The following EP300 variants were observed in gnomAD, a reference collection of about 807,000 sequenced individuals.
EP300 encodes the protein EP300 lysine acetyltransferase.
EP300 carries 31 observed loss-of-function variants against 264.0 expected under a neutral mutation model. The ratio of observed to expected loss-of-function variants is 0.12; its 90% CI spans 0.09 to 0.16. The LOEUF (loss-of-function observed/expected upper bound fraction) is 0.16, where lower values mean the gene tolerates loss of function less well. Among genes scored for constraint, EP300 ranks in the 10% least tolerant of loss-of-function variants. EP300 has a pLI of 1.00. For missense variants in EP300, 2,766 were observed against 3,052.9 expected, an observed-to-expected ratio of 0.91 and a Z score of 2.21; for synonymous variants, 1,340 against 1,045.4, an observed-to-expected ratio of 1.28 and a Z score of -5.44.
intron 3 of EP300, among the ~76,000 whole-genome samples, chr22:41,127,033 C>T (rs561031275): frequency 6.6e-5 from 10 of 152,042 alleles, no homozygotes; most frequent in African/African-American, 1.2e-4. Context: ...CGTGAGCCAC[C>T]GCGCCCGGCC....
At position 41,092,878 on chromosome 22, in the gene EP300, C is replaced by G. The variant is rs2145665054; in HGVS notation, c.-127C>G. ...CCGGCGAAGAGAAAAAGGAACTTCCCCCACCCCCTCGGGTGCCGTCGGAGC... is the reference window on the plus strand; with the variant it reads ...CCGGCGAAGAGAAAAAGGAACTTCCGCCACCCCCTCGGGTGCCGTCGGAGC... On this transcript the variant is annotated 5_prime_UTR_variant, in exon 1 of 31. Coordinates refer to ENST00000263253, the MANE Select transcript of EP300 (RefSeq NM_001429.4). 1 of 996,468 alleles carries G rather than the reference C, an allele frequency of 1.0e-6. No individual in the cohort carries two copies. Among genetic ancestry groups the G allele is most frequent in the South Asian group, 1.3e-5 (1 of 78,410 alleles). 61.7% of individuals were successfully genotyped at this position (996,468 alleles called of 1,614,324 possible).
Position 41,170,742 on chromosome 22 carries a change from A to G in EP300, c.4452+171A>G, listed in dbSNP as rs535792755. On this transcript the variant is annotated intron_variant, in intron 27 of 30. Transcript: ENST00000263253. Reference sequence around the variant, plus strand: ...AGTGACACGATTTTGGCTCACTTCAAGCTCCGCCTCCTGGGTTCATGCCAT... The same window carrying G: ...AGTGACACGATTTTGGCTCACTTCAGGCTCCGCCTCCTGGGTTCATGCCAT... 3.5e-5 allele frequency among the ~76,000 whole-genome samples: 5 copies of G among 143,598 alleles called. No homozygotes were observed. In the Admixed American group the frequency reaches 3.7e-4, roughly 11 times the overall value. The allele number at this position is 143,598 out of a possible 152,430, so 94.2% of individuals were successfully genotyped here.
intron 1 of EP300, among the ~76,000 whole-genome samples, chr22:41,094,138 T>C (rs1168108446): frequency 2.0e-5 from 3 of 152,236 alleles, no homozygotes; most frequent in Non-Finnish European, 4.4e-5. Context: ...AATGGTGTTA[T>C]CCTGATGGGT....
intron 1 of EP300, among the ~76,000 whole-genome samples, chr22:41,093,862 G>A (rs1280941452): frequency 6.6e-6 from 1 of 152,158 alleles, no homozygotes; most frequent in African/African-American, 2.4e-5. Context: ...GTGGAGTTAC[G>A]TACCTGGAAA....
Position 41,176,294 on chromosome 22 carries a change from G to C in EP300, c.4827G>C (p.Leu1609=), listed in dbSNP as rs1219687512. ...RLIAGPAANS[L]PPIVDPDPLI... ...TTGCTGGCCCTGCTGCCAACTCCCTGCCTCCCATTGTTGATCCTGATCCTC... is the reference window on the plus strand; with the variant it reads ...TTGCTGGCCCTGCTGCCAACTCCCTCCCTCCCATTGTTGATCCTGATCCTC... Residue 1609 remains leucine, a synonymous_variant, in exon 30 of 31, where the codon CTG becomes CTC. Coordinates refer to ENST00000263253, the MANE Select transcript of EP300 (RefSeq NM_001429.4). 1 of 1,614,152 alleles carries C rather than the reference G, an allele frequency of 6.2e-7. No individual in the cohort carries two copies.
rs1486351196 is a variant in EP300 at position 41,178,240 on chromosome 22, T to G, written c.6529T>G (p.Ser2177Ala). The change falls in exon 31 of 31, where the codon TCA becomes GCA. Residue 2177 changes from serine (S) to alanine (A), a missense_variant. Ser to Ala is a moderately conservative substitution (Grantham distance 99). Coordinates refer to ENST00000263253, the MANE Select transcript of EP300 (RefSeq NM_001429.4). ...GAACATGAACCACAACACCATGCCT[T>G]CACAATTCCGAGACATCTTGAGACG... ...QMNMNHNTMP[S>A]QFRDILRRQQ... 6.2e-7 allele frequency: 1 copy of G among 1,613,770 alleles called. No individual in the cohort carries two copies. The highest frequency in any genetic ancestry group is 8.5e-7 in the Non-Finnish European group (1 of 1,179,918).
chr22:41,173,366 A>G (rs979195854), intron 28 of EP300, among the ~76,000 whole-genome samples: 6 of 152,168 alleles, frequency 3.9e-5, no homozygotes, highest in Admixed American at 1.3e-4. Context: ...CATTCAATCA[A>G]TCTACAGGGT....
chr22:41,136,525 G>A (rs2058951840), intron 7 of EP300, among the ~76,000 whole-genome samples: 1 of 152,112 alleles, frequency 6.6e-6, no homozygotes, highest in African/African-American at 2.4e-5. Context: ...ACGGGGCATG[G>A]TGGCGTGCAC....
At position 41,176,285 on chromosome 22, in the gene EP300, C is replaced by T. The variant is rs2059199972; in HGVS notation, c.4818C>T (p.Ala1606=). Residue 1606 remains alanine (A), a synonymous_variant, in exon 30 of 31, where the codon GCC becomes GCT. Coordinates refer to ENST00000263253, the MANE Select transcript of EP300 (RefSeq NM_001429.4). The part of the protein sequence containing the change: ...FVIRLIAGPA[A]NSLPPIVDPD... ...TCCGCCTCATTGCTGGCCCTGCTGC[C>T]AACTCCCTGCCTCCCATTGTTGATC... 2 of 1,614,204 alleles carry T rather than the reference C, an allele frequency of 1.2e-6. No homozygotes were observed. The highest frequency in any genetic ancestry group is 1.7e-6 in the Non-Finnish European group (2 of 1,180,040).
At chr22:41,158,315 T>G (rs1403962076) in intron 18 of EP300, 97 bp from the exon 19 acceptor site, 4 of 895,708 alleles carry the variant, frequency 4.5e-6, no homozygotes, top group Non-Finnish European at 7.3e-6. Context: ...AAATGAGAAC[T>G]AAGACACCAC....
intron 7 of EP300, among the ~76,000 whole-genome samples, chr22:41,136,475 T>A (rs114028794): frequency 6.6e-6 from 1 of 152,104 alleles, no homozygotes; most frequent in Admixed American, 6.5e-5. Flanking sequence ...CTGGGCAATA[T>A]GTCAAGACGT....
At chr22:41,157,554 T>C (rs898185133) in intron 18 of EP300, 146 bp downstream of exon 18, 6 of 1,019,256 alleles carry the variant, frequency 5.9e-6, no homozygotes, top group South Asian at 1.5e-5. Context: ...CAGGGTCTTA[T>C]TCTCCCAGGC....
At chr22:41,165,059 T>C (rs1164007178) in intron 22 of EP300, among the ~76,000 whole-genome samples, 1 of 152,212 alleles carries the variant, frequency 6.6e-6, no homozygotes, top group Non-Finnish European at 1.5e-5. Context: ...CACTTTTCTT[T>C]TTTTCACCGT....
chr22:41,119,176 T>TA (rs1555906144), intron 2 of EP300, among the ~76,000 whole-genome samples: 1,350 of 105,416 alleles, frequency 0.013, 33 homozygotes, highest in African/African-American at 0.071. Flanking sequence ...CTTATTATTA[T>TA]TTTTTTTTTT....
intron 13 of EP300, 26 bp from the exon 14 acceptor site, chr22:41,149,735 T>C (rs756932820): frequency 6.2e-7 from 1 of 1,611,326 alleles, no homozygotes; most frequent in East Asian, 2.2e-5. Flanking sequence ...TGAATTGCTG[T>C]CTTGTTATGT....
rs2059200502 is a variant in EP300, at chr22:41,176,360, C to A, written c.4893C>A (p.Leu1631=). The A allele has an allele frequency of 6.2e-7, 1 of 1,614,124 alleles. No homozygotes were observed. Among genetic ancestry groups the A allele is most frequent in the African/African-American group, 1.3e-5 (1 of 74,948 alleles). Residue 1631 remains leucine, a synonymous_variant, in exon 30 of 31, where the codon CTC becomes CTA. Transcript: ENST00000263253. ...CDLMDGRDAF[L]TLARDKHLEF... The stretch of plus-strand genomic sequence containing the variant: ...TGATGGATGGTCGGGATGCGTTTCT[C>A]ACGCTGGCAAGGGACAAGCACCTGG...
intron 2 of EP300, among the ~76,000 whole-genome samples, chr22:41,119,175 ATTT>A (rs1159365617): frequency 1.2e-3 from 130 of 112,972 alleles, no homozygotes; most frequent in African/African-American, 4.9e-3. Flanking sequence ...GCTTATTATT[ATTT>A]TTTTTTTTTT....
chr22:41,113,087 TG>T (rs1177282956), intron 1 of EP300, among the ~76,000 whole-genome samples: 1 of 151,322 alleles, frequency 6.6e-6, no homozygotes, highest in Non-Finnish European at 1.5e-5. Context: ...TTTCTCAGTC[TG>T]TACCTAAATA....
At chr22:41,169,396 G>A in intron 25 of EP300, 107 bp from the exon 26 acceptor site, 1 of 762,154 alleles carries the variant, frequency 1.3e-6, no homozygotes, top group Non-Finnish European at 2.3e-6. Flanking sequence ...AACGATGTGA[G>A]CAAAGAGCCT....
Sources: allele counts gnomAD v4.1 joint callset (sites outside exome capture counted in the v4.1 genomes callset), GRCh38; gene constraint gnomAD v4.1.1; transcripts MANE v1.5; gene names NCBI Gene and HGNC (gene_info 2026-07-23, HGNC 2026-07-21).